KNDC1: variants seen among roughly 807,000 people sequenced by gnomAD.
KNDC1 encodes the protein kinase non-catalytic C-lobe domain-containing protein 1.
KNDC1 carries 106 observed loss-of-function variants against 172.8 expected under a neutral mutation model. The observed-to-expected ratio is 0.61, with a 90% confidence interval of 0.52 to 0.72. The LOEUF (loss-of-function observed/expected upper bound fraction) is 0.72, where lower values mean the gene tolerates loss of function less well. KNDC1 is among the 30% of genes least tolerant of loss of function. The pLI is 0.00. For missense variants in KNDC1, 2,325 were observed against 2,394.5 expected (o/e 0.97, Z 0.61); for synonymous variants, 1,083 against 1,062.2 (o/e 1.02, Z -0.38).
At chr10:133,184,044 T>C (rs1331745053) in intron 5 of KNDC1, 55 bp downstream of exon 5, 32 of 1,022,320 alleles carry the variant, frequency 3.1e-5, no homozygotes, top group Non-Finnish European at 4.5e-5. Flanking sequence ...CTGTGTGCCA[T>C]GTATGCACAC....
chr10:133,199,482 A>G lies in KNDC1; in HGVS notation c.2783A>G (p.Asp928Gly), dbSNP rs1854301225. ...IMGEYIFALK[D>G]LTFATFCGAI... ...GGGGAGTACATCTTCGCCTTGAAAG[A>G]TCTCACCTTTGCCACTTTCTGTGGC... The change falls in exon 15 of 30, where the codon GAT becomes GGT. Residue 928 changes from aspartate to glycine, a missense_variant. Physicochemically the swap from Asp to Gly is moderately conservative, Grantham distance 94. Coordinates refer to ENST00000304613, the MANE Select transcript of KNDC1 (RefSeq NM_152643.8). The G allele has an allele frequency of 6.2e-7, 1 of 1,613,750 alleles. No homozygotes were observed. The highest frequency in any genetic ancestry group is 1.3e-5 in the African/African-American group (1 of 74,926).
intron 3 of KNDC1, among the ~76,000 whole-genome samples, chr10:133,183,053 A>C (rs890208791): frequency 6.9e-6 from 1 of 144,120 alleles, no homozygotes; most frequent in Non-Finnish European, 1.5e-5. Context: ...CGTGGGTACA[A>C]GTGAGGAGGG....
chr10:133,211,589 G>A lies in KNDC1; in HGVS notation c.4056+20G>A. ...TCCAAGGTGACAGTGGCGCTGAGCTGGGCGGCCGCACCCGGGGCTCCCACA... is the reference window on the plus strand; with the variant it reads ...TCCAAGGTGACAGTGGCGCTGAGCTAGGCGGCCGCACCCGGGGCTCCCACA... On this transcript the variant is annotated intron_variant, in intron 22 of 29. Coordinates refer to ENST00000304613, the MANE Select transcript of KNDC1 (RefSeq NM_152643.8). 3 of 1,608,224 alleles carry A rather than the reference G, an allele frequency of 1.9e-6. No homozygotes were observed. Among genetic ancestry groups the A allele is most frequent in the Non-Finnish European group, 2.6e-6 (3 of 1,175,850 alleles).
rs1853029307 is a variant in KNDC1 at position 133,163,109 on chromosome 10, G to GGGCAA, written c.102+2540_102+2541insGGCAA. On this transcript the variant is annotated intron_variant, in intron 1 of 29. Transcript: ENST00000304613. This position sits in a 1 kb window ranked among gnomAD's most constrained non-coding sequence, Gnocchi z 4.4. ...GGGGTATGGGATCTGAGGCAGAACA[G>GGGCAA]TGCAATCCAGGCAGAACAGCGGCTG... Among the ~76,000 whole-genome samples, 3 of 152,222 alleles carry GGGCAA rather than the reference G, an allele frequency of 2.0e-5. No individual in the cohort carries two copies. The highest frequency in any genetic ancestry group is 7.2e-5 in the African/African-American group (3 of 41,454).
chr10:133,166,718 G>A (rs1853169706), intron 1 of KNDC1, among the ~76,000 whole-genome samples: 1 of 151,642 alleles, frequency 6.6e-6, no homozygotes. Context: ...GTGAGCACGT[G>A]TGCTAGGTGG....
At chr10:133,214,457 C>T (rs747448769) in intron 26 of KNDC1, among the ~76,000 whole-genome samples, 3 of 152,200 alleles carry the variant, frequency 2.0e-5, no homozygotes, top group Admixed American at 6.5e-5. Context: ...TGGCTGTGGG[C>T]CGCCTGGAGA....
chr10:133,160,563 G>A lies in KNDC1; in HGVS notation c.96G>A (p.Glu32=), dbSNP rs1429092821. The A allele has an allele frequency of 6.4e-7, 1 of 1,574,368 alleles. No homozygotes were observed. The highest frequency in any genetic ancestry group is 1.4e-5 in the African/African-American group (1 of 73,594). The part of the protein sequence containing the change: ...YDFEPLPTLP[E]DEENVSLADI... ...TCGAGCCGCTGCCCACCCTCCCCGA[G>A]GACGAGGTGAGCCCCCGGCCCCACT... Residue 32 remains glutamate, a synonymous_variant, in exon 1 of 30, where the codon GAG becomes GAA. Coordinates refer to ENST00000304613, the MANE Select transcript of KNDC1 (RefSeq NM_152643.8).
chr10:133,186,849 C>A (rs779196834), intron 6 of KNDC1, among the ~76,000 whole-genome samples, 175 bp downstream of exon 6: 7 of 152,200 alleles, frequency 4.6e-5, no homozygotes, highest in Non-Finnish European at 8.8e-5. Flanking sequence ...GCTGTGGCTG[C>A]GGCTGGGGAT....
chr10:133,186,941 G>A (rs1042799931), intron 6 of KNDC1, among the ~76,000 whole-genome samples: 3 of 152,154 alleles, frequency 2.0e-5, no homozygotes, highest in Non-Finnish European at 4.4e-5. Flanking sequence ...GCCCTGCCCG[G>A]CTCCTCACAC....
At chr10:133,166,985 T>A (rs1466754472) in intron 1 of KNDC1, among the ~76,000 whole-genome samples, 1 of 152,090 alleles carries the variant, frequency 6.6e-6, no homozygotes, top group Middle Eastern at 3.2e-3. Flanking sequence ...GAGTCCACAG[T>A]TGGGGATGTC....
rs1845695899 is a variant in KNDC1 at position 133,225,177 on chromosome 10, A to AG, written c.*289dup. The AG allele has an allele frequency of 7.7e-6, 3 of 390,660 alleles. No individual in the cohort carries two copies. The highest frequency in any genetic ancestry group is 6.2e-5 in the African/African-American group (3 of 48,696). 24.2% of individuals were successfully genotyped at this position (390,660 alleles called of 1,614,324 possible). A position where few individuals can be genotyped will look rare whatever the true frequency, so the allele number is the denominator to read the frequency against. On this transcript the variant is annotated 3_prime_UTR_variant, in exon 30 of 30. Coordinates refer to ENST00000304613, the MANE Select transcript of KNDC1 (RefSeq NM_152643.8). ...AAATGAAAATGAAAGACAGCTTCCC[A>AG]GGAGTTTTGTGCCTGTCTGCGCCTC...
intron 29 of KNDC1, among the ~76,000 whole-genome samples, chr10:133,222,201 T>A (rs113089024): frequency 1.4e-5 from 2 of 145,780 alleles, no homozygotes; most frequent in African/African-American, 5.1e-5. Flanking sequence ...GAGAATGGCG[T>A]GAACCCGGGA....
chr10:133,221,321 G>A (rs1443707705), intron 29 of KNDC1, among the ~76,000 whole-genome samples: 1 of 152,144 alleles, frequency 6.6e-6, no homozygotes, highest in African/African-American at 2.4e-5. Context: ...CACCTGGGAG[G>A]CGCAGACTGG....
rs1231940501 is a variant in KNDC1, at chr10:133,213,688, G to A, written c.4487G>A (p.Arg1496Gln). Reference protein sequence around the residue: ...KCHPVHFLNSRALGVMDKSTA... With the variant: ...KCHPVHFLNSQALGVMDKSTA... The stretch of plus-strand genomic sequence containing the variant: ...CACCCGGTCCACTTCCTGAACTCAC[G>A]GGCCCTGGGCGTCATGGACAAGAGC... Residue 1496 changes from arginine to glutamine, a missense_variant, in exon 25 of 30, where the codon CGG becomes CAG. Physicochemically the swap from Arg to Gln is conservative, Grantham distance 43. Coordinates refer to ENST00000304613, the MANE Select transcript of KNDC1 (RefSeq NM_152643.8). 3 of 1,614,032 alleles carry A rather than the reference G, an allele frequency of 1.9e-6. No individual in the cohort carries two copies. Among genetic ancestry groups the A allele is most frequent in the Non-Finnish European group, 2.5e-6 (3 of 1,179,964 alleles).
chr10:133,166,742 T>C (rs1056705312), intron 1 of KNDC1, among the ~76,000 whole-genome samples: 8 of 140,674 alleles, frequency 5.7e-5, no homozygotes, highest in South Asian at 2.2e-4. Flanking sequence ...TGTTTGTGCA[T>C]GTGCATGGGG....
chr10:133,193,599 AGGAG>A (rs955215894), intron 9 of KNDC1, among the ~76,000 whole-genome samples: 1 of 152,188 alleles, frequency 6.6e-6, no homozygotes, highest in Non-Finnish European at 1.5e-5. Context: ...AGGAGAAGGA[AGGAG>A]GAAGAGAAGA....
At position 133,201,537 on chromosome 10, in the gene KNDC1, G is replaced by A. The variant is rs764375131; in HGVS notation, c.3026G>A (p.Arg1009Lys). The change falls in exon 17 of 30, where the codon AGG becomes AAG. Residue 1009 changes from arginine to lysine, a missense_variant. Physicochemically the swap from Arg to Lys is conservative, Grantham distance 26. Transcript: ENST00000304613. ...CCAGCCATGGCCAGGACCAGCAGCAGGGCCCCCTGCTCACCCACCTCGGTG... is the reference window on the plus strand; with the variant it reads ...CCAGCCATGGCCAGGACCAGCAGCAAGGCCCCCTGCTCACCCACCTCGGTG... ...EKPAMARTSS[R>K]APCSPTSVSD... is the part of the protein sequence containing the mutation. 9 of 1,610,192 alleles carry A rather than the reference G, an allele frequency of 5.6e-6. No homozygotes were observed. The South Asian group carries it at 8.8e-5, about 16-fold the overall frequency.
chr10:133,200,311 T>A, intron 15 of KNDC1, 64 bp from the exon 16 acceptor site: 1 of 1,286,338 alleles, frequency 7.8e-7, no homozygotes, highest in African/African-American at 1.5e-5. Flanking sequence ...GGCCCCGCCC[T>A]GTGGAGACTG....
chr10:133,187,652 G>T (rs747640080), intron 6 of KNDC1, among the ~76,000 whole-genome samples: 1 of 152,230 alleles, frequency 6.6e-6, no homozygotes, highest in African/African-American at 2.4e-5. Context: ...CAGGGTGGCC[G>T]AGCCACCTGT....
Sources: allele counts gnomAD v4.1 joint callset (sites outside exome capture counted in the v4.1 genomes callset), GRCh38; gene constraint gnomAD v4.1.1; non-coding constraint Gnocchi (gnomAD v3.1); transcripts MANE v1.5; gene names NCBI Gene and HGNC (gene_info 2026-07-23, HGNC 2026-07-21).